Variants in SRGAP3 observed in about 807,000 individuals in gnomAD.
SRGAP3 encodes the protein SLIT-ROBO Rho GTPase-activating protein 3.
SRGAP3 carries 39 observed loss-of-function variants against 121.1 expected under a neutral mutation model. The ratio of observed to expected loss-of-function variants is 0.32; its 90% confidence interval spans 0.25 to 0.42. The LOEUF (loss-of-function observed/expected upper bound fraction) is 0.42, where lower values mean the gene tolerates loss of function less well. Among genes scored for constraint, SRGAP3 ranks in the 10% least tolerant of loss-of-function variants. The pLI is 1.00. For synonymous variants in SRGAP3, 601 were observed against 570.0 expected (o/e 1.05, Z -0.77); for missense variants, 1,213 against 1,470.6 (o/e 0.82, Z 2.86).
chr3:9,043,186 C>T (rs1467199764), intron 10 of SRGAP3, among the ~76,000 whole-genome samples: 1 of 152,166 alleles, frequency 6.6e-6, no homozygotes, highest in Admixed American at 6.5e-5. Flanking sequence ...CAGAGACTTG[C>T]TCTGTCGCCC....
intron 19 of SRGAP3, 100 bp downstream of exon 19, chr3:8,994,243 G>T: frequency 6.8e-7 from 1 of 1,474,620 alleles, no homozygotes. Context: ...ATCAAGGAGA[G>T]CAAATTGCTG....
intron 3 of SRGAP3, among the ~76,000 whole-genome samples, chr3:9,099,812 T>C (rs1948143262): frequency 6.6e-6 from 1 of 152,230 alleles, no homozygotes; most frequent in South Asian, 2.1e-4. Context: ...CAGGTGATCC[T>C]GATGCATGCT....
chr3:9,052,966 T>C, intron 9 of SRGAP3, 61 bp downstream of exon 9: 1 of 1,605,618 alleles, frequency 6.2e-7, no homozygotes, highest in South Asian at 1.1e-5. Context: ...GGGTTGCTCC[T>C]GAAAAGTCAC....
intron 2 of SRGAP3, among the ~76,000 whole-genome samples, chr3:9,121,597 C>T (rs1949006708): frequency 6.6e-6 from 1 of 152,234 alleles, no homozygotes; most frequent in African/African-American, 2.4e-5. Context: ...AGGCAGCCTG[C>T]ATGGCCGGGC....
intron 3 of SRGAP3, among the ~76,000 whole-genome samples, chr3:9,095,551 C>T (rs1947933178): frequency 6.6e-6 from 1 of 152,116 alleles, no homozygotes; most frequent in African/African-American, 2.4e-5. Flanking sequence ...AAGAAAAGGA[C>T]AATCAGTTGA....
intron 1 of SRGAP3, among the ~76,000 whole-genome samples, chr3:9,231,733 C>T (rs988139872): frequency 2.0e-5 from 3 of 152,144 alleles, no homozygotes; most frequent in Admixed American, 6.5e-5. Context: ...AGCAGCATGT[C>T]CAGGGTAGGA....
At chr3:9,105,841 T>C (rs1948401464) in intron 2 of SRGAP3, among the ~76,000 whole-genome samples, 1 of 152,208 alleles carries the variant, frequency 6.6e-6, no homozygotes, top group Non-Finnish European at 1.5e-5. Flanking sequence ...TGAAAATGCA[T>C]TTAGTAAGCC....
At chr3:9,088,574 T>C (rs990075909) in intron 3 of SRGAP3, among the ~76,000 whole-genome samples, 3 of 152,106 alleles carry the variant, frequency 2.0e-5, no homozygotes, top group Non-Finnish European at 4.4e-5. Context: ...CAACCCCCAG[T>C]GTGACAACCA....
At chr3:9,299,131 G>A (rs1000965127) in intron 3 of SRGAP3, among the ~76,000 whole-genome samples, 2 of 150,584 alleles carry the variant, frequency 1.3e-5, no homozygotes, top group Admixed American at 6.6e-5. Context: ...GGGAGGCCGA[G>A]CCGGATGGAT....
At chr3:9,007,299 A>G (rs1392598424) in intron 18 of SRGAP3, 1 of 152,122 alleles carries the variant, frequency 6.6e-6, no homozygotes, top group Non-Finnish European at 1.5e-5. Flanking sequence ...AAGAAAGGCA[A>G]CAGATACACA....
intron 1 of SRGAP3, among the ~76,000 whole-genome samples, chr3:9,150,011 T>C (rs1041249699): frequency 6.6e-6 from 1 of 152,152 alleles, no homozygotes; most frequent in Admixed American, 6.5e-5. Context: ...AGAACACACC[T>C]GCCCCTTTCT....
At chr3:9,114,113 C>T (rs900614273) in intron 2 of SRGAP3, among the ~76,000 whole-genome samples, 1 of 152,136 alleles carries the variant, frequency 6.6e-6, no homozygotes, top group Non-Finnish European at 1.5e-5. Context: ...AGTTGGGGTG[C>T]TATTGAGTCA....
intron 3 of SRGAP3, among the ~76,000 whole-genome samples, chr3:9,309,392 C>A (rs1042546634): frequency 1.4e-4 from 22 of 152,204 alleles, no homozygotes; most frequent in Non-Finnish European, 1.0e-4. Context: ...TTCCTCTATG[C>A]ACTTTAGTTA....
chr3:9,361,818 G>A (rs2030861022), intron 1 of SRGAP3, among the ~76,000 whole-genome samples: 1 of 152,108 alleles, frequency 6.6e-6, no homozygotes, highest in Admixed American at 6.5e-5. Flanking sequence ...CCAGGGAGTG[G>A]TTCTGGCCAG....
chr3:9,299,961 A>G (rs1218365694), intron 3 of SRGAP3, among the ~76,000 whole-genome samples: 3 of 151,726 alleles, frequency 2.0e-5, no homozygotes, highest in Admixed American at 6.6e-5. Flanking sequence ...GCTCACAAGG[A>G]ACCTTCACAA....
At chr3:9,348,541 G>A (rs575032505) in intron 1 of SRGAP3, 28 of 764,572 alleles carry the variant, frequency 3.7e-5, no homozygotes, top group South Asian at 1.5e-4. Context: ...TGAGCCCAGC[G>A]GGCCATAAGG....
intron 3 of SRGAP3, among the ~76,000 whole-genome samples, chr3:9,303,646 ATT>A (rs1365587662): frequency 2.0e-5 from 3 of 152,146 alleles, no homozygotes; most frequent in African/African-American, 7.2e-5. Context: ...ATATTAATTT[ATT>A]TAATCTTCAA....
rs776913830 is a variant in SRGAP3 at position 8,985,647 on chromosome 3, G to T, written c.3172C>A (p.Arg1058=). 4 of 1,595,324 alleles carry T rather than the reference G, an allele frequency of 2.5e-6. No homozygotes were observed. In the South Asian group the frequency reaches 3.3e-5, roughly 13 times the overall value. ...AGAQLRPPPM[R]PVRPVVQHRS... ...TGCTGGACCACCGGCCGCACGGGCC[G>T]CATGGGGGGCGGGCGGAGCTGGGCG... The change falls in exon 22 of 22, where the codon CGG becomes AGG. Residue 1058 remains arginine (R), a synonymous_variant. Transcript: ENST00000383836. The surrounding 1 kb of genome is among the most constrained non-coding windows in gnomAD (Gnocchi z 5.1).
upstream of SRGAP3, among the ~76,000 whole-genome samples, chr3:9,253,123 T>G (rs1308395442): frequency 2.0e-5 from 3 of 152,120 alleles, no homozygotes; most frequent in Admixed American, 6.5e-5. Context: ...TGTTTTGAAG[T>G]TGGGTAAACG....
Sources: gnomAD v4.1 joint callset for allele counts (sites outside exome capture counted in the v4.1 genomes callset) on GRCh38, gnomAD v4.1.1 for gene constraint, Gnocchi (gnomAD v3.1) non-coding constraint, MANE v1.5 for transcripts, NCBI Gene and HGNC (gene_info 2026-07-23, HGNC 2026-07-21) for gene names.